Variants in PDE5A observed in about 807,000 individuals in gnomAD.
The protein encoded by PDE5A is phosphodiesterase 5A, also known as cGMP-specific 3',5'-cyclic phosphodiesterase.
Under a neutral mutation model 110.2 loss-of-function variants are expected in PDE5A, and 67 were observed. The observed-to-expected ratio is 0.61, with a 90% CI of 0.50 to 0.75. The LOEUF (loss-of-function observed/expected upper bound fraction) is 0.75, where lower values mean the gene tolerates loss of function less well. Among genes scored for constraint, PDE5A ranks in the 30% least tolerant of loss-of-function variants. The pLI, the probability that PDE5A is intolerant of heterozygous loss-of-function variation, is 0.00. For synonymous variants in PDE5A, 328 were observed against 351.2 expected (o/e 0.93, Z 0.74); for missense variants, 862 against 1,045.1 (o/e 0.82, Z 2.42).
At chr4:119,605,691 A>G (rs746204543) in intron 2 of PDE5A, among the ~76,000 whole-genome samples, 6 of 146,812 alleles carry the variant, frequency 4.1e-5, no homozygotes, top group Non-Finnish European at 9.0e-5. Flanking sequence ...TAGATGTCCT[A>G]TCCTGCTTCT....
chr4:119,620,162 A>G (rs915942583), intron 1 of PDE5A, among the ~76,000 whole-genome samples: 1 of 152,206 alleles, frequency 6.6e-6, no homozygotes, highest in African/African-American at 2.4e-5. Context: ...GATGATTAAG[A>G]GATTAACAGA....
intron 17 of PDE5A, among the ~76,000 whole-genome samples, chr4:119,505,651 T>G (rs1228525394): frequency 6.6e-6 from 1 of 151,954 alleles, no homozygotes. Flanking sequence ...AAGGAACAGT[T>G]CATTCACTTG....
chr4:119,594,187 A>G (rs1223494009), intron 3 of PDE5A, among the ~76,000 whole-genome samples: 3 of 152,102 alleles, frequency 2.0e-5, no homozygotes, highest in Non-Finnish European at 4.4e-5. Context: ...CATAATATGG[A>G]AGAATGTATA....
At chr4:119,599,970 G>C (rs1458930114) in intron 2 of PDE5A, among the ~76,000 whole-genome samples, 1 of 151,962 alleles carries the variant, frequency 6.6e-6, no homozygotes, top group Non-Finnish European at 1.5e-5. Flanking sequence ...TTAAAATATT[G>C]AAAGAAAACT....
intron 7 of PDE5A, among the ~76,000 whole-genome samples, chr4:119,554,968 C>T (rs1265741002): frequency 1.3e-5 from 2 of 152,116 alleles, no homozygotes; most frequent in Non-Finnish European, 2.9e-5. Flanking sequence ...CAACAGCATA[C>T]ATCTCAGGAA....
At chr4:119,595,901 TAC>T (rs1307898711) in intron 3 of PDE5A, among the ~76,000 whole-genome samples, 1 of 152,210 alleles carries the variant, frequency 6.6e-6, no homozygotes, top group Non-Finnish European at 1.5e-5. Flanking sequence ...TTGGTTGTAA[TAC>T]ACAGTCAGGA....
rs764427054 is a variant in PDE5A at position 119,496,577 on chromosome 4, A to G, written c.*2024T>C. ...AAAAAATTTCTCAGTGACACATACT[A>G]GAGGGGACCAAACAAACTACTAAAG... On this transcript the variant is annotated 3_prime_UTR_variant, in exon 21 of 21. Coordinates refer to ENST00000354960, the MANE Select transcript of PDE5A (RefSeq NM_001083.4). The G allele has an allele frequency of 1.3e-5, 2 of 152,576 alleles. No homozygotes were observed. Among genetic ancestry groups the G allele is most frequent in the Non-Finnish European group, 2.9e-5 (2 of 68,008 alleles). 9.5% of individuals were successfully genotyped at this position (152,576 alleles called of 1,614,324 possible).
intron 3 of PDE5A, among the ~76,000 whole-genome samples, chr4:119,574,019 T>G (rs867642197): frequency 3.3e-5 from 5 of 152,112 alleles, no homozygotes; most frequent in African/African-American, 1.2e-4. Flanking sequence ...TAATTTTCAT[T>G]CCCATTTTAT....
At chr4:119,618,719 T>C (rs1024016094) in intron 1 of PDE5A, among the ~76,000 whole-genome samples, 2 of 151,870 alleles carry the variant, frequency 1.3e-5, no homozygotes, top group East Asian at 3.9e-4. Flanking sequence ...AAAAATACAA[T>C]AATTACCTAT....
In PDE5A at chr4:119,519,430, G is replaced by A. The variant is rs942294305; in HGVS notation, c.1906-291C>T. ...AGTATTGCTAATTCTTAATTATTAT[G>A]TGAAATAATCATAATAAACTTTAAA... On this transcript the variant is annotated intron_variant, in intron 13 of 20. Transcript: ENST00000354960. 4.2e-5 allele frequency: 13 copies of A among 310,542 alleles called. No individual in the cohort carries two copies. In the Admixed American group the frequency reaches 5.4e-4, roughly 13 times the overall value. 19.2% of individuals were successfully genotyped at this position (310,542 alleles called of 1,614,324 possible). A position where few individuals can be genotyped will look rare whatever the true frequency, so the allele number is the denominator to read the frequency against.
intron 1 of PDE5A, among the ~76,000 whole-genome samples, chr4:119,621,330 A>G (rs1444583995): frequency 1.3e-5 from 2 of 152,188 alleles, no homozygotes; most frequent in Non-Finnish European, 2.9e-5. Flanking sequence ...TACTCTCCCG[A>G]ATACAATGAT....
Position 119,617,251 on chromosome 4 carries a change from C to T in PDE5A, c.153-9954G>A, listed in dbSNP as rs73842680. ...AAATTTTCCACTAATCTACACAAGT[C>T]ACGGCTTCTTCCAAATGCCCTCTAT... On this transcript the variant is annotated intron_variant, in intron 1 of 20. Coordinates refer to ENST00000354960, the MANE Select transcript of PDE5A (RefSeq NM_001083.4). 3.6e-3 allele frequency among the ~76,000 whole-genome samples: 554 copies of T among 152,196 alleles called. 4 individuals are homozygous for T. Among genetic ancestry groups the T allele is most frequent in the African/African-American group, 0.012 (515 of 41,528 alleles).
In PDE5A at chr4:119,623,017, T is replaced by C. The variant is rs1730213321; in HGVS notation, c.152+5503A>G. On this transcript the variant is annotated intron_variant, in intron 1 of 20. Coordinates refer to ENST00000354960, the MANE Select transcript of PDE5A (RefSeq NM_001083.4). Reference sequence around the variant, plus strand: ...ATAAATTCCTACCACTCAGAGAAAATGAATTAAGCACTTACATTGCAAAAA... The same window carrying C: ...ATAAATTCCTACCACTCAGAGAAAACGAATTAAGCACTTACATTGCAAAAA... 2.0e-5 allele frequency among the ~76,000 whole-genome samples: 3 copies of C among 147,696 alleles called. No individual in the cohort carries two copies. The South Asian group carries it at 6.4e-4, about 31-fold the overall frequency.
Position 119,542,584 on chromosome 4 carries a change from G to T in PDE5A, c.1447C>A (p.Pro483Thr). ...KMEENTGKVK[P>T]FNRNDEQFLE... Reference sequence around the variant, plus strand: ...AACTGTTCGTCATTTCGGTTGAAAGGCTTAACCTTGCCAGTATTCTCCTCC... The same window carrying T: ...AACTGTTCGTCATTTCGGTTGAAAGTCTTAACCTTGCCAGTATTCTCCTCC... The change falls in exon 10 of 21, where the codon CCT becomes ACT. Residue 483 changes from proline to threonine, a missense_variant. Physicochemically the swap from Pro to Thr is conservative, Grantham distance 38 (BLOSUM62 -1). Coordinates refer to ENST00000354960, the MANE Select transcript of PDE5A (RefSeq NM_001083.4). 6.2e-7 allele frequency: 1 copy of T among 1,613,904 alleles called. No individual in the cohort carries two copies.
rs1437980049 is a variant in PDE5A at position 119,504,618 on chromosome 4, A to AC, written c.2268-20dup. ...CATTGCCCTGTTATGGAAAAAAGAA[A>AC]CCCAAAACTCCTATTTACTTTTGTG... On this transcript the variant is annotated intron_variant, in intron 17 of 20. Coordinates refer to ENST00000354960, the MANE Select transcript of PDE5A (RefSeq NM_001083.4). The AC allele has an allele frequency of 2.5e-6, 4 of 1,604,156 alleles. No homozygotes were observed. The highest frequency in any genetic ancestry group is 3.4e-6 in the Non-Finnish European group (4 of 1,173,344).
intron 1 of PDE5A, among the ~76,000 whole-genome samples, chr4:119,613,236 C>G (rs143829685): frequency 6.6e-4 from 101 of 152,270 alleles, no homozygotes; most frequent in Non-Finnish European, 1.3e-3. Flanking sequence ...AGTGTCATTA[C>G]AATCTCAATT....
At chr4:119,549,232 T>G (rs1162357312) in intron 9 of PDE5A, 1 of 152,168 alleles carries the variant, frequency 6.6e-6, no homozygotes, top group African/African-American at 2.4e-5. Context: ...GGCATGCAGG[T>G]CTCCCAAATT....
At chr4:119,581,428 T>C (rs989926392) in intron 3 of PDE5A, among the ~76,000 whole-genome samples, 30 of 151,954 alleles carry the variant, frequency 2.0e-4, no homozygotes, top group African/African-American at 5.8e-4. Flanking sequence ...AAGAAAAACA[T>C]GTGTGTGTGC....
intron 3 of PDE5A, among the ~76,000 whole-genome samples, chr4:119,574,486 A>G (rs1305731736): frequency 6.6e-6 from 1 of 152,064 alleles, no homozygotes; most frequent in Non-Finnish European, 1.5e-5. Context: ...TGGCCAAAAT[A>G]TAGGCTCTTA....
Sources: gnomAD v4.1 joint callset for allele counts (sites outside exome capture counted in the v4.1 genomes callset) on GRCh38, gnomAD v4.1.1 for gene constraint, MANE v1.5 for transcripts, NCBI Gene and HGNC (gene_info 2026-07-23, HGNC 2026-07-21) for gene names.